PAK1IP1: variants seen among roughly 807,000 people sequenced by gnomAD.
The protein encoded by PAK1IP1 is p21-activated protein kinase-interacting protein 1.
A neutral mutation model predicts 42.0 loss-of-function variants in PAK1IP1; 24 were observed. The ratio of observed to expected loss-of-function variants is 0.57; its 90% confidence interval spans 0.41 to 0.80. The LOEUF is 0.80. Ranked by LOEUF, PAK1IP1 falls within the 30% of genes least tolerant of loss-of-function variation. The pLI is 0.00. For synonymous variants in PAK1IP1, 154 were observed against 156.7 expected (o/e 0.98, Z 0.13); for missense variants, 411 against 467.9 (o/e 0.88, Z 1.12).
At chr6:10,697,699 G>A (rs567686874) in intron 2 of PAK1IP1, among the ~76,000 whole-genome samples, 2 of 152,146 alleles carry the variant, frequency 1.3e-5, no homozygotes, top group South Asian at 4.1e-4. Context: ...CCTGAGGTCA[G>A]TAGCTGGAGA....
intron 2 of PAK1IP1, among the ~76,000 whole-genome samples, chr6:10,697,970 G>T (rs1009529276): frequency 1.3e-5 from 2 of 151,958 alleles, no homozygotes; most frequent in Non-Finnish European, 1.5e-5. Context: ...ATTTAACCCA[G>T]TCAGAGTGAG....
chr6:10,694,605 C>T (rs1769706946), upstream of PAK1IP1: 16 of 178,914 alleles, frequency 8.9e-5, no homozygotes, highest in South Asian at 3.1e-4. Flanking sequence ...CCTAAGCAAC[C>T]GGCCGGAAGT....
Position 10,702,369 on chromosome 6 carries a change from G to A in PAK1IP1, c.248G>A (p.Gly83Asp). The A allele has an allele frequency of 6.2e-7, 1 of 1,613,134 alleles. No homozygotes were observed. Among genetic ancestry groups the A allele is most frequent in the Non-Finnish European group, 8.5e-7 (1 of 1,179,206 alleles). The stretch of plus-strand genomic sequence containing the variant: ...TTTGCCTATTTTGGTTTTTCCATAG[G>A]TACAATAACTTGCCTGAAATTCTAT... ...IEHGALVHHS[G>D]TITCLKFYGN... The change falls in exon 3 of 10, where the codon GGT (glycine) becomes GAT (aspartate). Residue 83 changes from glycine (G) to aspartate (D), a missense_variant and splice_region_variant. Transcript: ENST00000379568.
chr6:10,699,387 T>C (rs1769959079), intron 2 of PAK1IP1, among the ~76,000 whole-genome samples: 2 of 152,064 alleles, frequency 1.3e-5, no homozygotes, highest in African/African-American at 2.4e-5. Flanking sequence ...AACAGCTCTA[T>C]GTGGTAACGA....
chr6:10,706,546 T>C (rs560246905), intron 7 of PAK1IP1, among the ~76,000 whole-genome samples: 9 of 152,128 alleles, frequency 5.9e-5, no homozygotes, highest in Non-Finnish European at 1.2e-4. Flanking sequence ...GATCCCAGTT[T>C]TGTAGGGTTT....
At chr6:10,691,559 A>T (rs180936665), upstream of PAK1IP1, among the ~76,000 whole-genome samples, 2,440 of 152,142 alleles carry the variant, frequency 0.016, 53 homozygotes, top group African/African-American at 0.045. Context: ...TGTGGTGCCG[A>T]GCTGTCTGCT....
upstream of PAK1IP1, chr6:10,694,595 C>CGTGTAGAT: frequency 1.1e-5 from 2 of 178,888 alleles, no homozygotes; most frequent in East Asian, 1.6e-4. Context: ...CGCTACAGCC[C>CGTGTAGAT]CTAAGCAACC....
At position 10,709,702 on chromosome 6, in the gene PAK1IP1, TTTAC is replaced by T. The variant is rs1383570038; in HGVS notation, c.*253_*256del. The T allele has an allele frequency of 8.4e-6, 2 of 239,234 alleles. No individual in the cohort carries two copies. The highest frequency in any genetic ancestry group is 4.5e-5 in the African/African-American group (2 of 44,416). 14.8% of individuals were successfully genotyped at this position (239,234 alleles called of 1,614,324 possible). ...TAATATGTTAATGTGTCATGTAATT[TTTAC>T]TTTGTACAAAGCAAATAAAGATCTT... On this transcript the variant is annotated 3_prime_UTR_variant, in exon 10 of 10. Coordinates refer to ENST00000379568, the MANE Select transcript of PAK1IP1 (RefSeq NM_017906.3).
intron 7 of PAK1IP1, among the ~76,000 whole-genome samples, chr6:10,706,905 A>AG (rs1454407401): frequency 6.6e-6 from 1 of 151,756 alleles, no homozygotes; most frequent in East Asian, 1.9e-4. Context: ...AAAAAAAAAA[A>AG]GAAAAAGAAA....
At chr6:10,697,221 A>T in intron 1 of PAK1IP1, 103 bp from the exon 2 acceptor site, 1 of 930,092 alleles carries the variant, frequency 1.1e-6, no homozygotes. Context: ...TTATCTTTTC[A>T]GAAACAGATA....
At chr6:10,700,048 A>G (rs1769978015) in intron 2 of PAK1IP1, among the ~76,000 whole-genome samples, 1 of 151,588 alleles carries the variant, frequency 6.6e-6, no homozygotes, top group South Asian at 2.1e-4. Flanking sequence ...CAAACAAACG[A>G]AAAAAACAAC....
Position 10,704,823 on chromosome 6 carries a change from A to T in PAK1IP1, c.719A>T (p.Glu240Val). 1 of 1,610,896 alleles carries T rather than the reference A, an allele frequency of 6.2e-7. No individual in the cohort carries two copies. Among genetic ancestry groups the T allele is most frequent in the Non-Finnish European group, 8.5e-7 (1 of 1,177,092 alleles). ...TGTGATTCACTAGTGTGCCTCTGCG[A>T]ATTTAAAGCTCATGAAAACAGGTAT... Reference protein sequence around the residue: ...FDCDSLVCLCEFKAHENRVKD... With the variant: ...FDCDSLVCLCVFKAHENRVKD... Residue 240 changes from glutamate to valine, a missense_variant, in exon 7 of 10, where the codon GAA (glutamate) becomes GTA (valine). Transcript: ENST00000379568.
chr6:10,697,531 T>G, intron 2 of PAK1IP1, 45 bp downstream of exon 2: 1 of 1,406,220 alleles, frequency 7.1e-7, no homozygotes, highest in Non-Finnish European at 9.9e-7. Context: ...GAGGTTTTCT[T>G]TACAATTTGA....
upstream of PAK1IP1, among the ~76,000 whole-genome samples, chr6:10,693,354 A>G (rs1769527511): frequency 6.6e-6 from 1 of 152,234 alleles, no homozygotes; most frequent in Non-Finnish European, 1.5e-5. Context: ...TTTTGTCTCC[A>G]TGCTGACTTT....
At chr6:10,697,654 T>G (rs1269217419) in intron 2 of PAK1IP1, among the ~76,000 whole-genome samples, 168 bp downstream of exon 2, 1 of 152,098 alleles carries the variant, frequency 6.6e-6, no homozygotes, top group African/African-American at 2.4e-5. Flanking sequence ...ACACCTGTAA[T>G]CCCAGCACTT....
chr6:10,709,014 T>C lies in PAK1IP1; in HGVS notation c.902T>C (p.Val301Ala). The C allele has an allele frequency of 6.2e-7, 1 of 1,612,108 alleles. No homozygotes were observed. The highest frequency in any genetic ancestry group is 1.1e-5 in the South Asian group (1 of 91,016). Residue 301 changes from valine (V) to alanine (A), a missense_variant, in exon 9 of 10, where the codon GTG becomes GCG. Transcript: ENST00000379568. ...NTNARLTCLG[V>A]WLDKVADMKE... ...AATGCCAGGCTGACGTGTCTTGGAG[T>C]GTGGCTAGACAAAGTGGCAGACATG... is the stretch of plus-strand genomic sequence containing the variant.
At chr6:10,708,494 A>G (rs982608750) in intron 8 of PAK1IP1, among the ~76,000 whole-genome samples, 3 of 149,820 alleles carry the variant, frequency 2.0e-5, no homozygotes, top group African/African-American at 7.3e-5. Context: ...GCTTCTGTGA[A>G]CATTCATATG....
At chr6:10,702,541 G>A (rs371941449) in intron 3 of PAK1IP1, 24 bp from the exon 4 acceptor site, 21 of 1,613,862 alleles carry the variant, frequency 1.3e-5, no homozygotes, top group Non-Finnish European at 1.8e-5. Flanking sequence ...TCAAGTTGGG[G>A]ACTAACTTTT....
chr6:10,697,806 G>A (rs1769903001), intron 2 of PAK1IP1, among the ~76,000 whole-genome samples: 1 of 150,922 alleles, frequency 6.6e-6, no homozygotes, highest in African/African-American at 2.4e-5. Flanking sequence ...CAGGGGAATC[G>A]TTTGAACCCG....
Sources: allele counts gnomAD v4.1 joint callset (sites outside exome capture counted in the v4.1 genomes callset), GRCh38; gene constraint gnomAD v4.1.1; transcripts MANE v1.5; gene names NCBI Gene and HGNC (gene_info 2026-07-23, HGNC 2026-07-21).